The following CNTNAP2 variants were observed in gnomAD, a reference collection of about 807,000 sequenced individuals.
CNTNAP2 encodes the protein contactin-associated protein-like 2.
Under a neutral mutation model 155.2 loss-of-function variants are expected in CNTNAP2, and 98 were observed. That is an observed-to-expected ratio of 0.63 (90% CI 0.54 to 0.75). The LOEUF is 0.75. Among genes scored for constraint, CNTNAP2 ranks in the 30% least tolerant of loss-of-function variants. CNTNAP2 has a pLI of 0.00. For synonymous variants in CNTNAP2, 651 were observed against 631.2 expected (o/e 1.03, Z -0.47); for missense variants, 1,727 against 1,688.1 (o/e 1.02, Z -0.40).
intron 1 of CNTNAP2, among the ~76,000 whole-genome samples, chr7:146,471,830 G>C (rs1218196346): frequency 6.6e-6 from 1 of 152,124 alleles, no homozygotes; most frequent in Non-Finnish European, 1.5e-5. Flanking sequence ...AGAATTTCAG[G>C]AATTCTGTGG....
chr7:146,888,410 T>C (rs1051451485), intron 3 of CNTNAP2, among the ~76,000 whole-genome samples: 4 of 152,164 alleles, frequency 2.6e-5, no homozygotes, highest in Non-Finnish European at 4.4e-5. Context: ...TTTATTGATA[T>C]ATTGGTAACA....
intron 1 of CNTNAP2, among the ~76,000 whole-genome samples, chr7:146,238,232 G>A (rs537206464): frequency 3.3e-5 from 5 of 152,208 alleles, no homozygotes; most frequent in South Asian, 2.1e-4. Context: ...ACAACTGGCC[G>A]TCTTTAGGAA....
intron 13 of CNTNAP2, among the ~76,000 whole-genome samples, chr7:147,804,286 C>T (rs1007425216): frequency 2.6e-5 from 4 of 152,156 alleles, no homozygotes; most frequent in Non-Finnish European, 5.9e-5. Context: ...GGTTTAAAAA[C>T]AGCTGTTAGC....
intron 3 of CNTNAP2, among the ~76,000 whole-genome samples, chr7:146,973,598 A>G (rs915094577): frequency 6.6e-6 from 1 of 152,204 alleles, no homozygotes; most frequent in Non-Finnish European, 1.5e-5. Flanking sequence ...TTAAATCAAT[A>G]CCATCATGAG....
At chr7:147,899,270 G>A (rs1799823692) in intron 13 of CNTNAP2, among the ~76,000 whole-genome samples, 1 of 152,116 alleles carries the variant, frequency 6.6e-6, no homozygotes, top group South Asian at 2.1e-4. Flanking sequence ...AGTCCAGGAG[G>A]TCAAGGCTGC....
At chr7:147,070,002 A>G (rs1205793390) in intron 4 of CNTNAP2, among the ~76,000 whole-genome samples, 1 of 152,220 alleles carries the variant, frequency 6.6e-6, no homozygotes, top group Admixed American at 6.5e-5. Context: ...TTTCTACAGG[A>G]AACTTGACAG....
At chr7:146,424,483 A>G (rs576664957) in intron 1 of CNTNAP2, among the ~76,000 whole-genome samples, 1 of 152,300 alleles carries the variant, frequency 6.6e-6, no homozygotes, top group Admixed American at 6.5e-5. Flanking sequence ...CTTGCCCAAG[A>G]TTAGAAGTTT....
intron 13 of CNTNAP2, among the ~76,000 whole-genome samples, chr7:147,689,341 G>C (rs190396306): frequency 1.3e-5 from 2 of 151,890 alleles, no homozygotes; most frequent in Admixed American, 6.6e-5. Context: ...GTGGAGACAG[G>C]GTTTCACCAA....
chr7:146,272,530 G>T (rs965803138), intron 1 of CNTNAP2, among the ~76,000 whole-genome samples: 1 of 152,180 alleles, frequency 6.6e-6, no homozygotes, highest in African/African-American at 2.4e-5. Flanking sequence ...GCTGGTAGAA[G>T]TCCAAGCACG....
chr7:147,249,022 C>G (rs1804127878), intron 8 of CNTNAP2, among the ~76,000 whole-genome samples: 1 of 152,154 alleles, frequency 6.6e-6, no homozygotes, highest in African/African-American at 2.4e-5. Context: ...AACACACACA[C>G]ACATACAAAA....
chr7:146,328,532 T>TGTGTGTGC (rs1380892916), intron 1 of CNTNAP2, among the ~76,000 whole-genome samples: 1 of 151,744 alleles, frequency 6.6e-6, no homozygotes, highest in African/African-American at 2.4e-5. Context: ...TGTGTGTGTG[T>TGTGTGTGC]GTGTGTGTGT....
intron 1 of CNTNAP2, among the ~76,000 whole-genome samples, chr7:146,381,108 T>G (rs1466018994): frequency 6.6e-6 from 1 of 152,208 alleles, no homozygotes; most frequent in Non-Finnish European, 1.5e-5. Context: ...TGCACGTTCT[T>G]ATATACTCAC....
intron 1 of CNTNAP2, among the ~76,000 whole-genome samples, chr7:146,463,058 A>G (rs1796662447): frequency 6.6e-6 from 1 of 152,126 alleles, no homozygotes; most frequent in African/African-American, 2.4e-5. Flanking sequence ...AAGGGCAGAA[A>G]GAGGAAGTTG....
chr7:147,134,876 A>T (rs1801448464), intron 8 of CNTNAP2, among the ~76,000 whole-genome samples: 1 of 151,914 alleles, frequency 6.6e-6, no homozygotes, highest in Non-Finnish European at 1.5e-5. Context: ...AAATATTTTG[A>T]TTGAAAGAAT....
intron 15 of CNTNAP2, among the ~76,000 whole-genome samples, chr7:148,015,195 GAAC>G (rs1802155507): frequency 6.6e-6 from 1 of 152,094 alleles, no homozygotes. Context: ...TTAATTTGCA[GAAC>G]ATTACATAGT....
At chr7:146,839,199 G>T (rs530726964) in intron 2 of CNTNAP2, among the ~76,000 whole-genome samples, 5 of 151,960 alleles carry the variant, frequency 3.3e-5, no homozygotes, top group African/African-American at 1.2e-4. Context: ...CCTCTCAGTG[G>T]TACAGGAAAT....
At chr7:148,272,160 G>A (rs978996950) in intron 21 of CNTNAP2, among the ~76,000 whole-genome samples, 7 of 152,146 alleles carry the variant, frequency 4.6e-5, no homozygotes, top group Non-Finnish European at 8.8e-5. Context: ...TGTGATCACT[G>A]CCAACCAACA....
At chr7:147,995,302 T>C (rs1801782435) in intron 15 of CNTNAP2, among the ~76,000 whole-genome samples, 1 of 152,178 alleles carries the variant, frequency 6.6e-6, no homozygotes, top group African/African-American at 2.4e-5. Flanking sequence ...GAAATCTAAC[T>C]TGGTGGGCCA....
intron 13 of CNTNAP2, among the ~76,000 whole-genome samples, chr7:147,861,200 A>G (rs6464842): frequency 0.19 from 29,320 of 152,118 alleles, 2,924 homozygotes; most frequent in South Asian, 0.29. Context: ...CAAAGCAGGA[A>G]TACAAATATG....
Sources: gnomAD v4.1 joint callset for allele counts (sites outside exome capture counted in the v4.1 genomes callset) on GRCh38, gnomAD v4.1.1 for gene constraint, MANE v1.5 for transcripts, NCBI Gene and HGNC (gene_info 2026-07-23, HGNC 2026-07-21) for gene names.